The following TLN1 variants were observed in gnomAD, a reference collection of about 807,000 sequenced individuals.
The protein encoded by TLN1 is talin-1.
In TLN1, 56 loss-of-function variants were observed where a neutral mutation model predicts 292.3. The ratio of observed to expected loss-of-function variants is 0.19; its 90% CI spans 0.15 to 0.24. The LOEUF (loss-of-function observed/expected upper bound fraction) is 0.24. Ranked by LOEUF, TLN1 falls within the 10% of genes least tolerant of loss-of-function variation. TLN1 has a pLI of 1.00. For synonymous variants in TLN1, 1,119 were observed against 1,253.7 expected, an observed-to-expected ratio of 0.89 and a Z score of 2.27; for missense variants, 2,433 against 3,248.2, an observed-to-expected ratio of 0.75 and a Z score of 6.10.
At chr9:35,718,499 A>AG (rs1281780749) in intron 17 of TLN1, among the ~76,000 whole-genome samples, 16 of 152,096 alleles carry the variant, frequency 1.1e-4, no homozygotes, top group Non-Finnish European at 2.1e-4. Flanking sequence ...TCAGGGTGGC[A>AG]TGGTCTATAG....
In TLN1 at chr9:35,697,663, C is replaced by G; in HGVS notation, c.*128G>C. 2 of 1,405,004 alleles carry G rather than the reference C, an allele frequency of 1.4e-6. No individual in the cohort carries two copies. The highest frequency in any genetic ancestry group is 2.7e-5 in the South Asian group (2 of 74,254). 87.0% of individuals were successfully genotyped at this position (1,405,004 alleles called of 1,614,324 possible). On this transcript the variant is annotated 3_prime_UTR_variant, in exon 57 of 57. Transcript: ENST00000314888. ...TACTGCGGGACTGGGCGGGGCCAGG[C>G]CCTGGGGTTTGGCAGGCACTTTGGG...
chr9:35,729,766 G>A (rs2131914969), intron 1 of TLN1, among the ~76,000 whole-genome samples: 1 of 152,308 alleles, frequency 6.6e-6, no homozygotes, highest in East Asian at 1.9e-4. Context: ...AGCGGCTGGG[G>A]CAGCTTGAGT....
rs372987518 is a variant in TLN1 at position 35,716,535 on chromosome 9, C to T, written c.2480G>A (p.Arg827His). ...GTCAGATGTGGCTTGGGCCAGGATG[C>T]GGGCCTGTCGCACCATCTCCCCTGA... ...GDAGEMVRQA[R>H]ILAQATSDLV... Residue 827 changes from arginine (R) to histidine (H), a missense_variant, in exon 20 of 57, where the codon CGC becomes CAC. Around this residue, in one of 7 missense-constraint regions of TLN1, gnomAD observed 617 missense variants for 770.6 expected, o/e 0.80. Coordinates refer to ENST00000314888, the MANE Select transcript of TLN1 (RefSeq NM_006289.4). 13 of 1,613,836 alleles carry T rather than the reference C, an allele frequency of 8.1e-6. No homozygotes were observed. The highest frequency in any genetic ancestry group is 1.0e-5 in the Non-Finnish European group (12 of 1,179,948).
rs1225841554 is a variant in TLN1, at chr9:35,706,715, T to C, written c.5088+53A>G. On this transcript the variant is annotated intron_variant, in intron 38 of 56. Transcript: ENST00000314888. The surrounding 1 kb of genome is among the most constrained non-coding windows in gnomAD (Gnocchi z 4.2). ...TCCTTGATCCCCCAGCTTCTTTGAG[T>C]CTGATATTTCTCTTCCTAGACACAT... 2.9e-5 allele frequency: 47 copies of C among 1,597,266 alleles called. No individual in the cohort carries two copies. The highest frequency in any genetic ancestry group is 3.9e-5 in the Non-Finnish European group (46 of 1,171,578).
chr9:35,716,643 A>T, intron 19 of TLN1, 87 bp from the exon 20 acceptor site: 2 of 1,465,396 alleles, frequency 1.4e-6, no homozygotes, highest in East Asian at 2.3e-5. Context: ...AGTGGTGTAG[A>T]CAAGGTAGAT....
Position 35,724,318 on chromosome 9 carries a change from A to G in TLN1, c.528T>C (p.His176=), listed in dbSNP as rs148715883. 9 of 1,614,008 alleles carry G rather than the reference A, an allele frequency of 5.6e-6. No homozygotes were observed. Among genetic ancestry groups the G allele is most frequent in the African/African-American group, 5.3e-5 (4 of 74,886 alleles). Reference sequence around the variant, plus strand: ...CACCCTGCTCCCTCAGTGTCCGACCATGGTCCAGCCAGTTCACTGGGATAC... The same window carrying G: ...CACCCTGCTCCCTCAGTGTCCGACCGTGGTCCAGCCAGTTCACTGGGATAC... ...HTDDELNWLD[H]GRTLREQGVE... The change falls in exon 6 of 57, where the codon CAT becomes CAC. Residue 176 remains histidine, a synonymous_variant. Transcript: ENST00000314888. This position sits in a 1 kb window ranked among gnomAD's most constrained non-coding sequence, Gnocchi z 4.7.
Position 35,699,277 on chromosome 9 carries a change from C to T in TLN1, c.6874+79G>A, listed in dbSNP as rs908249637. On this transcript the variant is annotated intron_variant, in intron 51 of 56. Coordinates refer to ENST00000314888, the MANE Select transcript of TLN1 (RefSeq NM_006289.4). This position sits in a 1 kb window ranked among gnomAD's most constrained non-coding sequence, Gnocchi z 4.0. Reference sequence around the variant, plus strand: ...TGGGGACTATGGTCAGAGGCTAGCACAGAGCTGTCCAGCCAGGAAGCAGAG... The same window carrying T: ...TGGGGACTATGGTCAGAGGCTAGCATAGAGCTGTCCAGCCAGGAAGCAGAG... 4.5e-6 allele frequency: 7 copies of T among 1,562,756 alleles called. No homozygotes were observed. Among genetic ancestry groups the T allele is most frequent in the African/African-American group, 4.1e-5 (3 of 73,594 alleles).
chr9:35,723,715 T>C (rs1534847), intron 7 of TLN1: 127,011 of 506,174 alleles, frequency 0.25, 17,665 homozygotes, highest in East Asian at 0.33. Context: ...CAAAAAAGAG[T>C]GACATGCTTG....
In TLN1 at chr9:35,698,007, C is replaced by A. The variant is rs754087646; in HGVS notation, c.7500+37G>T. On this transcript the variant is annotated intron_variant, in intron 56 of 56. Transcript: ENST00000314888. The surrounding 1 kb of genome is among the most constrained non-coding windows in gnomAD (Gnocchi z 5.3). ...CCAGCGCAGGCAACATGACTGCCCT[C>A]CTGACAGCGTCCCTCAGCATCTGGG... 6 of 1,613,970 alleles carry A rather than the reference C, an allele frequency of 3.7e-6. No individual in the cohort carries two copies. In the East Asian group the frequency reaches 1.3e-4, roughly 36 times the overall value.
chr9:35,703,588 G>T lies in TLN1; in HGVS notation c.6446C>A (p.Thr2149Asn). Residue 2149 changes from threonine to asparagine, a missense_variant, in exon 48 of 57, where the codon ACC (threonine) becomes AAC (asparagine). Around this residue, in one of 7 missense-constraint regions of TLN1, gnomAD observed 1,384 missense variants for 1,699.6 expected, o/e 0.81. Coordinates refer to ENST00000314888, the MANE Select transcript of TLN1 (RefSeq NM_006289.4). The stretch of plus-strand genomic sequence containing the variant: ...CAGCTCCTGCCGTATGTGTTCTGTG[G>T]TTGCCTCCAGGGCCCGAGTGCCTTT... ...ATKGTRALEA[T>N]TEHIRQELAV... 8.1e-6 allele frequency: 13 copies of T among 1,614,196 alleles called. No individual in the cohort carries two copies. The highest frequency in any genetic ancestry group is 1.1e-5 in the Non-Finnish European group (13 of 1,180,032).
intron 47 of TLN1, 22 bp downstream of exon 47, chr9:35,703,753 T>C (rs758656405): frequency 6.2e-7 from 1 of 1,614,092 alleles, no homozygotes; most frequent in South Asian, 1.1e-5. Flanking sequence ...CCCCTCCTGA[T>C]GTTGCTCTCA....
At chr9:35,723,069 T>C (rs1825904699) in intron 7 of TLN1, 148 bp from the exon 8 acceptor site, 1 of 620,216 alleles carries the variant, frequency 1.6e-6, no homozygotes. Context: ...GAGTCTAGAT[T>C]ATCTTCTGAA....
chr9:35,725,439 C>A, intron 2 of TLN1, 118 bp from the exon 3 acceptor site: 1 of 1,533,378 alleles, frequency 6.5e-7, no homozygotes, highest in South Asian at 1.2e-5. Flanking sequence ...ACGAGGGAAC[C>A]ATGGAACACA....
At position 35,723,945 on chromosome 9, in the gene TLN1, C is replaced by A. The variant is rs1825922137; in HGVS notation, c.782+7G>T. 2 of 1,613,978 alleles carry A rather than the reference C, an allele frequency of 1.2e-6. No individual in the cohort carries two copies. The highest frequency in any genetic ancestry group is 2.2e-5 in the South Asian group (2 of 91,044). ...CCCTGACAGGGTATAGGATGTGGGT[C>A]ACTCACTCAAGGAAGCCAGCCTTGT... On this transcript the variant is annotated splice_region_variant and intron_variant, in intron 7 of 56. Coordinates refer to ENST00000314888, the MANE Select transcript of TLN1 (RefSeq NM_006289.4).
chr9:35,730,207 G>T (rs571084701), intron 1 of TLN1, among the ~76,000 whole-genome samples: 1 of 151,784 alleles, frequency 6.6e-6, no homozygotes, highest in East Asian at 1.9e-4. Context: ...GGGTGGGGGT[G>T]GGAAAGTGAA....
Position 35,710,671 on chromosome 9 carries a change from C to A in TLN1, c.4216G>T (p.Ala1406Ser). Residue 1406 changes from alanine to serine, a missense_variant, in exon 33 of 57, where the codon GCC becomes TCC. This residue lies in a region of TLN1 where 1,384 missense variants were observed against 1,699.6 expected (regional missense o/e 0.81). Coordinates refer to ENST00000314888, the MANE Select transcript of TLN1 (RefSeq NM_006289.4). ...GCATTTTGGGAGATGCCAGTCATGGCCTCGCCCAGCACCTGAGGAACAGAG... is the reference window on the plus strand; with the variant it reads ...GCATTTTGGGAGATGCCAGTCATGGACTCGCCCAGCACCTGAGGAACAGAG... ...VMENSKVLGE[A>S]MTGISQNAKN... is the part of the protein sequence containing the mutation. The A allele has an allele frequency of 1.2e-6, 2 of 1,614,198 alleles. No homozygotes were observed. Among genetic ancestry groups the A allele is most frequent in the Non-Finnish European group, 1.7e-6 (2 of 1,180,034 alleles).
intron 48 of TLN1, among the ~76,000 whole-genome samples, chr9:35,700,623 T>C (rs1031836385): frequency 2.6e-5 from 4 of 151,672 alleles, no homozygotes; most frequent in Non-Finnish European, 5.9e-5. Flanking sequence ...CTTGAAGGGG[T>C]GAGAGGCAGA....
chr9:35,711,871 G>GT, intron 28 of TLN1, 79 bp from the exon 29 acceptor site: 1 of 1,602,166 alleles, frequency 6.2e-7, no homozygotes, highest in Non-Finnish European at 8.5e-7. Context: ...GGCTGAAAAG[G>GT]TGGGCACATA....
At chr9:35,722,000 G>C in intron 9 of TLN1, 119 bp downstream of exon 9, 1 of 1,179,776 alleles carries the variant, frequency 8.5e-7, no homozygotes, top group Non-Finnish European at 1.3e-6. Context: ...GCAAGGAAGA[G>C]AATGGGAATC....
Sources: allele counts gnomAD v4.1 joint callset (sites outside exome capture counted in the v4.1 genomes callset), GRCh38; gene constraint gnomAD v4.1.1; regional missense constraint gnomAD v4.1.1; non-coding constraint Gnocchi (gnomAD v3.1); transcripts MANE v1.5; gene names NCBI Gene and HGNC (gene_info 2026-07-23, HGNC 2026-07-21).